Variants in KCNT2 observed in about 807,000 individuals in gnomAD.
KCNT2 encodes potassium sodium-activated channel subfamily T member 2.
In KCNT2, 67 loss-of-function variants were observed where a neutral mutation model predicts 153.8. That is an observed-to-expected ratio of 0.44 (90% CI 0.36 to 0.53). KCNT2 has a LOEUF of 0.53. Ranked by LOEUF, KCNT2 falls within the 20% of genes least tolerant of loss-of-function variation. The pLI is 0.00. For synonymous variants in KCNT2, 500 were observed against 458.8 expected, an observed-to-expected ratio of 1.09 and a Z score of -1.15; for missense variants, 975 against 1,354.8, an observed-to-expected ratio of 0.72 and a Z score of 4.40.
intron 5 of KCNT2, among the ~76,000 whole-genome samples, chr1:196,472,743 T>C (rs1009196611): frequency 1.3e-5 from 2 of 152,214 alleles, no homozygotes; most frequent in African/African-American, 4.8e-5. Context: ...ATAATTATAC[T>C]ATAATTTATC....
chr1:196,325,770 T>A (rs1352042402), intron 19 of KCNT2, among the ~76,000 whole-genome samples: 1 of 152,080 alleles, frequency 6.6e-6, no homozygotes, highest in Non-Finnish European at 1.5e-5. Flanking sequence ...GTGTGATAAA[T>A]TTTTGGAGTT....
At chr1:196,575,767 C>T (rs1473694761) in intron 1 of KCNT2, among the ~76,000 whole-genome samples, 1 of 151,672 alleles carries the variant, frequency 6.6e-6, no homozygotes, top group African/African-American at 2.4e-5. Flanking sequence ...CACCTGAGGT[C>T]AGGAATTCCA....
intron 4 of KCNT2, among the ~76,000 whole-genome samples, chr1:196,479,681 G>C (rs763974704): frequency 1.3e-5 from 2 of 152,088 alleles, no homozygotes; most frequent in Non-Finnish European, 2.9e-5. Context: ...TAAGTGCTGG[G>C]ATTACAGGCG....
intron 22 of KCNT2, among the ~76,000 whole-genome samples, chr1:196,302,781 A>T (rs1262911235): frequency 6.6e-6 from 1 of 151,980 alleles, no homozygotes; most frequent in African/African-American, 2.4e-5. Context: ...ACTATAAAAG[A>T]CTAAAAAGTT....
chr1:196,384,792 AC>A (rs1203344280), intron 13 of KCNT2, among the ~76,000 whole-genome samples: 8 of 152,018 alleles, frequency 5.3e-5, no homozygotes, highest in African/African-American at 1.9e-4. Flanking sequence ...ATAAATAAAT[AC>A]AATAAAATAC....
chr1:196,273,631 G>T, intron 25 of KCNT2: 1 of 575,446 alleles, frequency 1.7e-6, no homozygotes, highest in Non-Finnish European at 3.1e-6. Flanking sequence ...CATATTTCTC[G>T]TATGGCTTTT....
intron 14 of KCNT2, among the ~76,000 whole-genome samples, chr1:196,369,198 G>A (rs898343669): frequency 1.3e-5 from 2 of 152,128 alleles, no homozygotes; most frequent in African/African-American, 4.8e-5. Context: ...AAGCTGAAAT[G>A]TAATCAGGAT....
chr1:196,478,168 T>C (rs763049560), intron 5 of KCNT2, among the ~76,000 whole-genome samples: 43 of 152,214 alleles, frequency 2.8e-4, no homozygotes, highest in Non-Finnish European at 5.7e-4. Context: ...CATCAGTTGA[T>C]TTCTTTAGCT....
chr1:196,337,163 G>A (rs553014721), intron 16 of KCNT2, among the ~76,000 whole-genome samples: 2 of 142,820 alleles, frequency 1.4e-5, no homozygotes, highest in Non-Finnish European at 3.0e-5. Flanking sequence ...CTTCACCCCC[G>A]CAAAACCTGC....
At chr1:196,337,710 T>G (rs944698637) in intron 16 of KCNT2, among the ~76,000 whole-genome samples, 1 of 152,116 alleles carries the variant, frequency 6.6e-6, no homozygotes, top group African/African-American at 2.4e-5. Context: ...CTTTCAGGTA[T>G]CTGCTCAAAC....
At chr1:196,295,336 T>C (rs951566120) in intron 22 of KCNT2, among the ~76,000 whole-genome samples, 2 of 151,968 alleles carry the variant, frequency 1.3e-5, no homozygotes, top group South Asian at 4.1e-4. Context: ...CTATAATACT[T>C]AAAAACACAA....
intron 1 of KCNT2, among the ~76,000 whole-genome samples, chr1:196,591,974 C>T (rs1359209364): frequency 6.6e-6 from 1 of 152,078 alleles, no homozygotes; most frequent in African/African-American, 2.4e-5. Context: ...AATTTCTTTC[C>T]TATCTTCCAT....
intron 19 of KCNT2, among the ~76,000 whole-genome samples, chr1:196,319,814 A>G (rs555860465): frequency 6.6e-6 from 1 of 151,968 alleles, no homozygotes; most frequent in Non-Finnish European, 1.5e-5. Flanking sequence ...ATAATTCTAC[A>G]AAAATACAGA....
intron 4 of KCNT2, among the ~76,000 whole-genome samples, chr1:196,481,420 G>T (rs751210375): frequency 2.0e-5 from 3 of 152,128 alleles, no homozygotes; most frequent in Non-Finnish European, 4.4e-5. Context: ...ACTCAAAATA[G>T]CTAAGTAATA....
At chr1:196,568,574 C>A (rs1290564730) in intron 1 of KCNT2, among the ~76,000 whole-genome samples, 3 of 146,842 alleles carry the variant, frequency 2.0e-5, no homozygotes, top group East Asian at 4.0e-4. Context: ...CCAGCCTGGG[C>A]GACAGGGCTA....
chr1:196,247,890 T>G (rs1240281778), intron 26 of KCNT2, among the ~76,000 whole-genome samples: 1 of 152,148 alleles, frequency 6.6e-6, no homozygotes, highest in Admixed American at 6.6e-5. Flanking sequence ...GGACAGGCCA[T>G]ATGTTAGGCC....
At chr1:196,344,065 C>G (rs1665921591) in intron 14 of KCNT2, among the ~76,000 whole-genome samples, 1 of 152,200 alleles carries the variant, frequency 6.6e-6, no homozygotes, top group Non-Finnish European at 1.5e-5. Context: ...TAGGTGTGAG[C>G]CACCGCCCCT....
intron 22 of KCNT2, among the ~76,000 whole-genome samples, chr1:196,299,537 A>G (rs1194471625): frequency 6.6e-6 from 1 of 152,154 alleles, no homozygotes; most frequent in Non-Finnish European, 1.5e-5. Flanking sequence ...CAAGGCCACA[A>G]TGAGACATCA....
intron 1 of KCNT2, among the ~76,000 whole-genome samples, chr1:196,592,672 C>A (rs1281203058): frequency 1.4e-5 from 2 of 144,640 alleles, no homozygotes; most frequent in Non-Finnish European, 3.0e-5. Flanking sequence ...TATAGACATA[C>A]ATATATGTAT....
Sources: allele counts gnomAD v4.1 joint callset (sites outside exome capture counted in the v4.1 genomes callset), GRCh38; gene constraint gnomAD v4.1.1; transcripts MANE v1.5; gene names NCBI Gene and HGNC (gene_info 2026-07-23, HGNC 2026-07-21).